Variants in C6 observed in about 807,000 individuals in gnomAD.
The protein encoded by C6 is complement C6.
In C6, 101 loss-of-function variants were observed where a neutral mutation model predicts 112.9. The observed-to-expected ratio is 0.89, with a 90% CI of 0.76 to 1.06. The LOEUF is 1.06. C6 is among the 50% of genes least tolerant of loss of function. The pLI, the probability that C6 is intolerant of heterozygous loss-of-function variation, is 0.00. For missense variants in C6, 1,202 were observed against 1,104.6 expected, an observed-to-expected ratio of 1.09 and a Z score of -1.25; for synonymous variants, 431 against 384.1, an observed-to-expected ratio of 1.12 and a Z score of -1.43.
intron 1 of C6, among the ~76,000 whole-genome samples, chr5:41,260,775 CA>C (rs780937343): frequency 0.029 from 3,853 of 132,982 alleles, 158 homozygotes; most frequent in African/African-American, 0.097. Flanking sequence ...AACTCCATCT[CA>C]AAAAAAAAAA....
At chr5:41,200,383 C>G (rs1030230293) in intron 3 of C6, among the ~76,000 whole-genome samples, 1 of 151,866 alleles carries the variant, frequency 6.6e-6, no homozygotes, top group Non-Finnish European at 1.5e-5. Flanking sequence ...TTTTAAATGG[C>G]GAGTAGTAAA....
intron 1 of C6, among the ~76,000 whole-genome samples, chr5:41,245,348 G>A (rs1740956449): frequency 6.6e-6 from 1 of 152,112 alleles, no homozygotes; most frequent in Non-Finnish European, 1.5e-5. Flanking sequence ...TGACTAACAT[G>A]GTGAAACCCC....
At chr5:41,159,841 A>G (rs1248800446) in intron 11 of C6, among the ~76,000 whole-genome samples, 2 of 152,158 alleles carry the variant, frequency 1.3e-5, no homozygotes, top group East Asian at 1.9e-4. Context: ...TGAGCATTGT[A>G]TATGTATTCT....
At chr5:41,233,052 T>G (rs926342711) in intron 1 of C6, among the ~76,000 whole-genome samples, 1 of 152,098 alleles carries the variant, frequency 6.6e-6, no homozygotes, top group Non-Finnish European at 1.5e-5. Flanking sequence ...GTATATAATT[T>G]TCATGTGTAT....
rs1239839092 is a variant in C6, at chr5:41,199,787, A to G, written c.426T>C (p.Asn142=). Residue 142 remains asparagine, a synonymous_variant, in exon 4 of 18, where the codon AAT becomes AAC. Transcript: ENST00000337836. ...LCKIEEADCK[N]KFRCDSGRCI... is the part of the protein sequence containing the mutation. ...CATTACCACTGTCACAGCGAAATTT[A>G]TTCTTGCAGTCAGCCTCTTCAATTT... 3 of 1,613,798 alleles carry G rather than the reference A, an allele frequency of 1.9e-6. No individual in the cohort carries two copies. The highest frequency in any genetic ancestry group is 2.5e-6 in the Non-Finnish European group (3 of 1,179,724).
Position 41,159,114 on chromosome 5 carries a change from C to T in C6, c.1824G>A (p.Glu608=), listed in dbSNP as rs773204275. Residue 608 remains glutamate, a synonymous_variant, in exon 12 of 18, where the codon GAG becomes GAA. Transcript: ENST00000337836. ...CCATGATTGAAAATGTGCAGTCTTCCTCTTGTCGCTTCTCCCCCTCACAGC... is the reference window on the plus strand; with the variant it reads ...CCATGATTGAAAATGTGCAGTCTTCTTCTTGTCGCTTCTCCCCCTCACAGC... ...GKRCEGEKRQ[E]EDCTFSIMEN... 1.2e-6 allele frequency: 2 copies of T among 1,613,722 alleles called. No individual in the cohort carries two copies. The highest frequency in any genetic ancestry group is 1.7e-6 in the Non-Finnish European group (2 of 1,179,740).
chr5:41,254,201 A>C (rs1053144822), intron 1 of C6, among the ~76,000 whole-genome samples: 2 of 152,170 alleles, frequency 1.3e-5, no homozygotes, highest in African/African-American at 4.8e-5. Flanking sequence ...AGAGATCGAG[A>C]CCATCCTGGC....
chr5:41,200,763 A>C (rs1467435841), intron 3 of C6, among the ~76,000 whole-genome samples: 1 of 152,056 alleles, frequency 6.6e-6, no homozygotes, highest in Non-Finnish European at 1.5e-5. Flanking sequence ...AAACAAATTG[A>C]GGGACTGCTG....
At chr5:41,224,719 C>T (rs1329202917) in intron 1 of C6, among the ~76,000 whole-genome samples, 1 of 151,938 alleles carries the variant, frequency 6.6e-6, no homozygotes, top group African/African-American at 2.4e-5. Flanking sequence ...CATTTGTGTA[C>T]ATGTTTTGTG....
At chr5:41,221,782 G>GAAAAC (rs1407046635) in intron 1 of C6, among the ~76,000 whole-genome samples, 1 of 151,816 alleles carries the variant, frequency 6.6e-6, no homozygotes, top group Non-Finnish European at 1.5e-5. Flanking sequence ...TACAGGTGAG[G>GAAAAC]AAAACAAAAA....
chr5:41,152,612 C>T (rs1042776710), intron 15 of C6: 10 of 152,182 alleles, frequency 6.6e-5, no homozygotes, highest in Non-Finnish European at 1.0e-4. Flanking sequence ...TTCTTATTCA[C>T]AGTTGTTTTC....
chr5:41,187,690 A>T (rs1749883660), intron 5 of C6, among the ~76,000 whole-genome samples: 1 of 39,054 alleles, frequency 2.6e-5, no homozygotes, highest in Non-Finnish European at 5.0e-5. Flanking sequence ...AAGTACACAG[A>T]CACACACATA....
Position 41,181,463 on chromosome 5 carries a change from C to G in C6, c.823G>C (p.Gly275Arg), listed in dbSNP as rs140129534. The change falls in exon 7 of 18, where the codon GGG becomes CGG. Residue 275 changes from glycine (G) to arginine (R), a missense_variant. Transcript: ENST00000337836. ...ATTGGTACACTGAAAGAGCTCCCCCCCTGACTTGAGAATGAGCCTTGTTGA... is the reference window on the plus strand; with the variant it reads ...ATTGGTACACTGAAAGAGCTCCCCCGCTGACTTGAGAATGAGCCTTGTTGA... ...ENQQGSFSSQGGSSFSVPIFY... is the reference protein window; with the variant it reads ...ENQQGSFSSQRGSSFSVPIFY... 918 of 1,613,734 alleles carry G rather than the reference C, an allele frequency of 5.7e-4. No individual in the cohort carries two copies. The highest frequency in any genetic ancestry group is 1.4e-3 in the African/African-American group (108 of 75,006).
chr5:41,183,629 G>C (rs1208909690), intron 6 of C6, among the ~76,000 whole-genome samples: 2 of 152,034 alleles, frequency 1.3e-5, no homozygotes, highest in Non-Finnish European at 2.9e-5. Flanking sequence ...CTCATTCCTG[G>C]GTACATATCC....
chr5:41,181,906 C>T (rs887789137), intron 6 of C6, among the ~76,000 whole-genome samples: 5 of 152,162 alleles, frequency 3.3e-5, no homozygotes, highest in African/African-American at 1.2e-4. Context: ...TTATTTTTAG[C>T]ATGTCTGTGA....
chr5:41,177,355 T>G (rs1748941876), intron 7 of C6, among the ~76,000 whole-genome samples: 1 of 152,232 alleles, frequency 6.6e-6, no homozygotes, highest in Admixed American at 6.5e-5. Context: ...TTTTTTTGTT[T>G]ACAAACTTAT....
At chr5:41,178,219 TA>T (rs1164560352) in intron 7 of C6, among the ~76,000 whole-genome samples, 1 of 152,172 alleles carries the variant, frequency 6.6e-6, no homozygotes, top group Non-Finnish European at 1.5e-5. Context: ...TTAATAATAT[TA>T]TTGTGGTTTC....
At chr5:41,240,542 G>A (rs549690862) in intron 1 of C6, among the ~76,000 whole-genome samples, 1 of 152,152 alleles carries the variant, frequency 6.6e-6, no homozygotes, top group Non-Finnish European at 1.5e-5. Context: ...GGCCAGGTGG[G>A]CCATTCCCCA....
chr5:41,221,822 G>T (rs1399019516), intron 1 of C6, among the ~76,000 whole-genome samples: 1 of 152,018 alleles, frequency 6.6e-6, no homozygotes, highest in East Asian at 1.9e-4. Context: ...TGAATATCTG[G>T]CAGCTAGTTA....
Sources: gnomAD v4.1 joint callset for allele counts (sites outside exome capture counted in the v4.1 genomes callset) on GRCh38, gnomAD v4.1.1 for gene constraint, MANE v1.5 for transcripts, NCBI Gene and HGNC (gene_info 2026-07-23, HGNC 2026-07-21) for gene names.